The following TENT2 variants were observed in gnomAD, a reference collection of about 807,000 sequenced individuals.
The protein encoded by TENT2 is poly(A) RNA polymerase GLD2.
In TENT2, 44 loss-of-function variants were observed where a neutral mutation model predicts 72.2. The observed-to-expected ratio is 0.61, with a 90% confidence interval of 0.48 to 0.78. TENT2 has a LOEUF of 0.78. Ranked by LOEUF, TENT2 falls within the 30% of genes least tolerant of loss-of-function variation. The pLI, the probability that TENT2 is intolerant of heterozygous loss-of-function variation, is 0.00. For missense variants in TENT2, 541 were observed against 569.6 expected, an observed-to-expected ratio of 0.95 and a Z score of 0.51; for synonymous variants, 212 against 192.5, an observed-to-expected ratio of 1.10 and a Z score of -0.84.
Position 79,679,651 on chromosome 5 carries a change from T to C in TENT2, c.1281T>C (p.Asn427=). The change falls in exon 13 of 15, where the codon AAT becomes AAC. Residue 427 remains asparagine, a synonymous_variant. Transcript: ENST00000453514. ...IPRPDGIEWR[N]KYICVEEPFD... ...GGCCTGATGGTATTGAATGGAGAAA[T>C]AAATACATCTGTGTAGAAGGTAGTT... is the stretch of plus-strand genomic sequence containing the variant. 1.3e-6 allele frequency: 2 copies of C among 1,592,110 alleles called. No homozygotes were observed. The highest frequency in any genetic ancestry group is 1.2e-5 in the South Asian group (1 of 86,552).
At chr5:79,618,853 C>T (rs973074469) in intron 1 of TENT2, among the ~76,000 whole-genome samples, 7 of 152,148 alleles carry the variant, frequency 4.6e-5, no homozygotes, top group Non-Finnish European at 8.8e-5. Context: ...GTTTCTCTCT[C>T]ATTTTGTTTT....
chr5:79,681,765 C>A (rs757773792), intron 13 of TENT2: 2 of 398,258 alleles, frequency 5.0e-6, no homozygotes, highest in Non-Finnish European at 4.6e-6. Context: ...TTTTTGATCA[C>A]CCTCTCCCTT....
rs1213560039 is a variant in TENT2 at position 79,685,291 on chromosome 5, A to T, written c.*18A>T. Reference sequence around the variant, plus strand: ...AAAGATAACTGGCCTCTATTTCTTAATAAATTCTTCCAAGAAATAAAGAAC... The same window carrying T: ...AAAGATAACTGGCCTCTATTTCTTATTAAATTCTTCCAAGAAATAAAGAAC... On this transcript the variant is annotated 3_prime_UTR_variant, in exon 15 of 15. Coordinates refer to ENST00000453514, the MANE Select transcript of TENT2 (RefSeq NM_001114394.3). 1 of 1,518,514 alleles carries T rather than the reference A, an allele frequency of 6.6e-7. No individual in the cohort carries two copies. Among genetic ancestry groups the T allele is most frequent in the Admixed American group, 2.1e-5 (1 of 47,984 alleles). The allele number at this position is 1,518,514 out of a possible 1,614,324, so 94.1% of individuals were successfully genotyped here.
chr5:79,677,726 A>G (rs2150871625), intron 12 of TENT2, among the ~76,000 whole-genome samples: 1 of 152,360 alleles, frequency 6.6e-6, no homozygotes, highest in African/African-American at 2.4e-5. Context: ...TTGTGGCTAT[A>G]TAACTCCCCT....
chr5:79,629,138 G>A (rs1256226723), intron 4 of TENT2, among the ~76,000 whole-genome samples: 2 of 152,160 alleles, frequency 1.3e-5, no homozygotes, highest in African/African-American at 4.8e-5. Flanking sequence ...GATCTGAAAG[G>A]ACTCCATACT....
chr5:79,674,657 A>G (rs1182110692), intron 12 of TENT2, among the ~76,000 whole-genome samples: 6 of 152,156 alleles, frequency 3.9e-5, no homozygotes, highest in Non-Finnish European at 8.8e-5. Flanking sequence ...TTCAAAATAC[A>G]CACACACACA....
chr5:79,672,667 C>G (rs7712884), intron 12 of TENT2, among the ~76,000 whole-genome samples: 9,507 of 152,276 alleles, frequency 0.062, 494 homozygotes, highest in Admixed American at 0.16. Context: ...CAATAGTACT[C>G]TATTGTGGAT....
intron 4 of TENT2, among the ~76,000 whole-genome samples, chr5:79,637,624 G>C (rs747924617): frequency 6.6e-6 from 1 of 151,868 alleles, no homozygotes; most frequent in Non-Finnish European, 1.5e-5. Context: ...GGGAGGTTTT[G>C]CCATGTTACC....
At chr5:79,670,672 G>A (rs1364785918) in intron 12 of TENT2, among the ~76,000 whole-genome samples, 1 of 151,516 alleles carries the variant, frequency 6.6e-6, no homozygotes, top group African/African-American at 2.4e-5. Flanking sequence ...GACTGGATGA[G>A]ACATAGTACA....
Position 79,645,191 on chromosome 5 carries a change from A to T in TENT2, c.820A>T (p.Ser274Cys). The T allele has an allele frequency of 6.2e-7, 1 of 1,603,678 alleles. No homozygotes were observed. The highest frequency in any genetic ancestry group is 1.3e-5 in the African/African-American group (1 of 74,380). ...VPIVKFRDKV[S>C]CVEFDLNVNN... is the part of the protein sequence containing the mutation. ...AATTGTGAAGTTCAGGGATAAAGTC[A>T]GGTAAATAATTAATGAGCTTTCTTT... Residue 274 changes from serine to cysteine, a missense_variant and splice_region_variant, in exon 8 of 15, where the codon AGT (serine) becomes TGT (cysteine). Coordinates refer to ENST00000453514, the MANE Select transcript of TENT2 (RefSeq NM_001114394.3).
intron 14 of TENT2, among the ~76,000 whole-genome samples, chr5:79,684,546 A>G (rs1481122243): frequency 1.3e-5 from 2 of 152,200 alleles, no homozygotes; most frequent in African/African-American, 2.4e-5. Flanking sequence ...ATGAGACACT[A>G]TACCCAGTCT....
intron 4 of TENT2, among the ~76,000 whole-genome samples, chr5:79,634,628 T>G (rs1260306958): frequency 1.3e-5 from 2 of 152,142 alleles, no homozygotes; most frequent in Non-Finnish European, 2.9e-5. Flanking sequence ...TGTGAGCCAC[T>G]GCGCCTGGCC....
intron 12 of TENT2, among the ~76,000 whole-genome samples, chr5:79,677,184 A>C (rs1389557728): frequency 6.6e-6 from 1 of 152,262 alleles, no homozygotes; most frequent in Non-Finnish European, 1.5e-5. Flanking sequence ...AAAATGCAGT[A>C]GATTGAATCA....
intron 11 of TENT2, among the ~76,000 whole-genome samples, chr5:79,658,544 G>T (rs922405256): frequency 6.6e-6 from 1 of 151,966 alleles, no homozygotes; most frequent in Non-Finnish European, 1.5e-5. Context: ...TGACTCTCTT[G>T]TTTGTACTGA....
At chr5:79,624,969 G>A (rs1202207513) in intron 4 of TENT2, among the ~76,000 whole-genome samples, 3 of 152,200 alleles carry the variant, frequency 2.0e-5, no homozygotes, top group East Asian at 1.9e-4. Flanking sequence ...AGGAACTGCT[G>A]AAGTGTTTTC....
intron 1 of TENT2, among the ~76,000 whole-genome samples, chr5:79,613,555 C>T (rs920857821): frequency 1.3e-5 from 2 of 152,156 alleles, no homozygotes; most frequent in Non-Finnish European, 2.9e-5. Flanking sequence ...GATTAACAGC[C>T]ATAAGGCTAT....
intron 4 of TENT2, among the ~76,000 whole-genome samples, chr5:79,629,308 C>T (rs1403190406): frequency 6.6e-6 from 1 of 152,082 alleles, no homozygotes; most frequent in Non-Finnish European, 1.5e-5. Flanking sequence ...ACTGTATTGA[C>T]AGTATATGTT....
At chr5:79,670,474 G>A (rs551609917) in intron 12 of TENT2, among the ~76,000 whole-genome samples, 10 of 151,480 alleles carry the variant, frequency 6.6e-5, no homozygotes, top group East Asian at 6.0e-4. Flanking sequence ...ACAAGCACCC[G>A]TGACCACGCC....
intron 11 of TENT2, among the ~76,000 whole-genome samples, chr5:79,661,805 A>G (rs966235654): frequency 3.9e-5 from 6 of 152,176 alleles, no homozygotes; most frequent in Non-Finnish European, 7.3e-5. Context: ...AAAGTTTGCC[A>G]CATTGATTGA....
Sources: allele counts gnomAD v4.1 joint callset (sites outside exome capture counted in the v4.1 genomes callset), GRCh38; gene constraint gnomAD v4.1.1; transcripts MANE v1.5; gene names NCBI Gene and HGNC (gene_info 2026-07-23, HGNC 2026-07-21).